Variants in MARCHF10 observed in about 807,000 individuals in gnomAD.
MARCHF10 encodes the protein membrane associated ring-CH-type finger 10.
MARCHF10 carries 64 observed loss-of-function variants against 76.2 expected under a neutral mutation model. The observed-to-expected ratio is 0.84, with a 90% CI of 0.69 to 1.03. MARCHF10 has a LOEUF of 1.03. MARCHF10 is among the 50% of genes least tolerant of loss of function. MARCHF10 has a pLI of 0.00. For missense variants in MARCHF10, 875 were observed against 958.0 expected (o/e 0.91, Z 1.14); for synonymous variants, 340 against 357.5 (o/e 0.95, Z 0.55).
intron 7 of MARCHF10, among the ~76,000 whole-genome samples, chr17:62,723,070 C>T (rs1025959848): frequency 1.3e-5 from 2 of 151,220 alleles, no homozygotes; most frequent in African/African-American, 4.9e-5. Context: ...TTACTCCTGC[C>T]CAGGTAACAT....
chr17:62,704,946 G>GTGTTTTTTTTTTTT, intron 10 of MARCHF10: 1 of 837,088 alleles, frequency 1.2e-6, no homozygotes, highest in Non-Finnish European at 1.4e-6. Flanking sequence ...TTCTCCAGTC[G>GTGTTTTTTTTTTTT]TTTTTTTTTT....
At chr17:62,722,109 C>A (rs186589563) in intron 8 of MARCHF10, among the ~76,000 whole-genome samples, 2 of 151,934 alleles carry the variant, frequency 1.3e-5, no homozygotes, top group East Asian at 3.9e-4. Flanking sequence ...ATGGAGAAAC[C>A]CCATCTCTAC....
intron 8 of MARCHF10, among the ~76,000 whole-genome samples, chr17:62,713,517 G>T (rs2090037265): frequency 6.6e-6 from 1 of 152,160 alleles, no homozygotes; most frequent in Admixed American, 6.5e-5. Flanking sequence ...TCGCCGGCTC[G>T]GTTCCTTTAT....
chr17:62,730,039 G>A (rs372251260), intron 6 of MARCHF10, among the ~76,000 whole-genome samples: 5 of 152,166 alleles, frequency 3.3e-5, no homozygotes, highest in Non-Finnish European at 5.9e-5. Context: ...AAAATTAGCC[G>A]GGTGAGGTGG....
chr17:62,709,491 AAAAAC>A (rs1179533810), intron 9 of MARCHF10, among the ~76,000 whole-genome samples: 1 of 152,062 alleles, frequency 6.6e-6, no homozygotes, highest in Non-Finnish European at 1.5e-5. Context: ...AATAAAACAA[AAAAAC>A]AAAACAAAAA....
rs2091265898 is a variant in MARCHF10, at chr17:62,736,414, A to C, written c.1454T>G (p.Ile485Ser). 1 of 1,614,064 alleles carries C rather than the reference A, an allele frequency of 6.2e-7. No homozygotes were observed. The highest frequency in any genetic ancestry group is 8.5e-7 in the Non-Finnish European group (1 of 1,180,012). Reference sequence around the variant, plus strand: ...CGATGACATTGACAAGTCTACTGGAATATCATCTCTCAGAGCAGAATGCAT... The same window carrying C: ...CGATGACATTGACAAGTCTACTGGACTATCATCTCTCAGAGCAGAATGCAT... ...SFMHSALRDD[I>S]PVDLSMSSTS... is the part of the protein sequence containing the mutation. The change falls in exon 6 of 11, where the codon ATT (isoleucine) becomes AGT (serine). Residue 485 changes from isoleucine (I) to serine (S), a missense_variant. Physicochemically the swap from Ile to Ser is moderately radical, Grantham distance 142. Transcript: ENST00000311269.
At chr17:62,793,212 C>G (rs1205065023) in intron 2 of MARCHF10, among the ~76,000 whole-genome samples, 1 of 144,462 alleles carries the variant, frequency 6.9e-6, no homozygotes, top group Non-Finnish European at 1.5e-5. Context: ...CCACCACCAC[C>G]ACCACCTCCA....
intron 3 of MARCHF10, among the ~76,000 whole-genome samples, chr17:62,760,472 A>C (rs1407515970): frequency 6.6e-6 from 1 of 152,240 alleles, no homozygotes; most frequent in African/African-American, 2.4e-5. Flanking sequence ...CCTCAGTTTC[A>C]ATACTCTGCG....
intron 6 of MARCHF10, among the ~76,000 whole-genome samples, chr17:62,729,167 TC>T (rs1289012102): frequency 1.3e-5 from 2 of 152,134 alleles, no homozygotes; most frequent in East Asian, 3.9e-4. Context: ...GGTCTTGAAT[TC>T]CTGAGCTCAA....
chr17:62,709,906 C>T (rs972854525), intron 9 of MARCHF10, among the ~76,000 whole-genome samples: 5 of 152,104 alleles, frequency 3.3e-5, no homozygotes, highest in African/African-American at 7.2e-5. Flanking sequence ...TGTTACTGCT[C>T]GGTGGTCTAA....
chr17:62,748,988 C>G (rs1229978290), intron 4 of MARCHF10, among the ~76,000 whole-genome samples: 1 of 152,162 alleles, frequency 6.6e-6, no homozygotes, highest in Non-Finnish European at 1.5e-5. Flanking sequence ...GTTTCACTGC[C>G]AGGTAACTCA....
intron 2 of MARCHF10, among the ~76,000 whole-genome samples, chr17:62,801,221 C>T (rs908347147): frequency 2.6e-5 from 4 of 152,266 alleles, no homozygotes; most frequent in African/African-American, 7.2e-5. Context: ...TGCAGTGGCG[C>T]GATCTCGGCT....
chr17:62,716,806 G>A (rs772257789), intron 8 of MARCHF10, among the ~76,000 whole-genome samples: 1 of 152,130 alleles, frequency 6.6e-6, no homozygotes, highest in Non-Finnish European at 1.5e-5. Flanking sequence ...GGTTTCTTTT[G>A]GTTTTGCCCC....
At chr17:62,744,283 C>A in intron 5 of MARCHF10, 93 bp downstream of exon 5, 1 of 1,347,032 alleles carries the variant, frequency 7.4e-7, no homozygotes, top group South Asian at 1.4e-5. Context: ...CTTAAAAGTA[C>A]AAGTATCTAA....
At chr17:62,793,809 GACC>G (rs1217548021) in intron 2 of MARCHF10, among the ~76,000 whole-genome samples, 86 of 74,914 alleles carry the variant, frequency 1.1e-3, no homozygotes, top group African/African-American at 4.4e-3. Flanking sequence ...CACCTCCATC[GACC>G]ACCACCAACA....
chr17:62,803,686 A>T (rs2093116348), intron 1 of MARCHF10, among the ~76,000 whole-genome samples: 1 of 152,032 alleles, frequency 6.6e-6, no homozygotes, highest in South Asian at 2.1e-4. Flanking sequence ...CACCCGGCTA[A>T]TTTTTTATTA....
chr17:62,713,257 C>T (rs987072632), intron 8 of MARCHF10, among the ~76,000 whole-genome samples: 1 of 152,210 alleles, frequency 6.6e-6, no homozygotes, highest in Non-Finnish European at 1.5e-5. Flanking sequence ...CTTTGCCAGC[C>T]AGCTTTTATG....
intron 9 of MARCHF10, among the ~76,000 whole-genome samples, chr17:62,707,777 G>A (rs530290281): frequency 1.3e-5 from 2 of 152,324 alleles, no homozygotes; most frequent in African/African-American, 4.8e-5. Context: ...GTCTCTTCTA[G>A]GAAAGGAGTG....
At chr17:62,732,204 TTC>T (rs2091053308) in intron 6 of MARCHF10, among the ~76,000 whole-genome samples, 2 of 152,164 alleles carry the variant, frequency 1.3e-5, no homozygotes. Context: ...AATATGTCAA[TTC>T]TCCCAGAATA....
Sources: gnomAD v4.1 joint callset for allele counts (sites outside exome capture counted in the v4.1 genomes callset) on GRCh38, gnomAD v4.1.1 for gene constraint, MANE v1.5 for transcripts, NCBI Gene and HGNC (gene_info 2026-07-23, HGNC 2026-07-21) for gene names.